Variants in GRID2 observed in about 807,000 individuals in gnomAD.
GRID2 encodes the protein glutamate ionotropic receptor delta type subunit 2.
In GRID2, 33 loss-of-function variants were observed where a neutral mutation model predicts 114.8. That is an observed-to-expected ratio of 0.29 (90% CI 0.22 to 0.38). The LOEUF is 0.38. GRID2 is among the 10% of genes least tolerant of loss of function. The pLI is 1.00. For synonymous variants in GRID2, 505 were observed against 449.9 expected (o/e 1.12, Z -1.55); for missense variants, 1,184 against 1,257.7 (o/e 0.94, Z 0.89).
rs1396319471 is a variant in GRID2, at chr4:92,345,785, C to T, written c.88+41041C>T. Reference sequence around the variant, plus strand: ...AATACTTTTTTGACCATCACACAAACTATCTTGAGGTCTCTTGTAAATTAA... The same window carrying T: ...AATACTTTTTTGACCATCACACAAATTATCTTGAGGTCTCTTGTAAATTAA... On this transcript the variant is annotated intron_variant, in intron 1 of 15. Transcript: ENST00000282020. 2.6e-5 allele frequency among the ~76,000 whole-genome samples: 4 copies of T among 152,132 alleles called. No homozygotes were observed. In the East Asian group the frequency reaches 7.7e-4, roughly 29 times the overall value.
intron 13 of GRID2, among the ~76,000 whole-genome samples, chr4:93,599,564 C>T (rs929913019): frequency 2.0e-5 from 3 of 152,140 alleles, no homozygotes; most frequent in Non-Finnish European, 4.4e-5. Context: ...AAAACTATGG[C>T]TTCCATTTGC....
intron 1 of GRID2, among the ~76,000 whole-genome samples, chr4:92,329,308 T>C (rs1415554023): frequency 6.6e-6 from 1 of 152,016 alleles, no homozygotes; most frequent in Non-Finnish European, 1.5e-5. Context: ...TATTTAAACT[T>C]TGGAGTTTAT....
chr4:92,737,738 A>G (rs566142951), intron 2 of GRID2, among the ~76,000 whole-genome samples: 6 of 152,296 alleles, frequency 3.9e-5, no homozygotes, highest in African/African-American at 1.2e-4. Context: ...AAGATCTTCA[A>G]CAAAATAGGG....
At chr4:92,454,140 ATTAC>A (rs1405923761) in intron 1 of GRID2, among the ~76,000 whole-genome samples, 3 of 152,150 alleles carry the variant, frequency 2.0e-5, no homozygotes, top group Admixed American at 2.0e-4. Context: ...TTTCTCTGCT[ATTAC>A]TTACAAAATT....
chr4:93,723,375 A>G (rs1237963876), intron 14 of GRID2, among the ~76,000 whole-genome samples: 1 of 152,248 alleles, frequency 6.6e-6, no homozygotes, highest in Non-Finnish European at 1.5e-5. Flanking sequence ...TGCAAATATT[A>G]AACAGCTGCA....
chr4:92,397,713 G>T (rs1386917519), intron 1 of GRID2, among the ~76,000 whole-genome samples: 1 of 152,090 alleles, frequency 6.6e-6, no homozygotes, highest in African/African-American at 2.4e-5. Flanking sequence ...ATCATGAGGG[G>T]AAGGGGACAA....
chr4:92,646,351 G>T (rs1731623441), intron 2 of GRID2, among the ~76,000 whole-genome samples: 1 of 152,286 alleles, frequency 6.6e-6, no homozygotes, highest in East Asian at 1.9e-4. Flanking sequence ...ACAATTTCTT[G>T]TTCAGTTTGT....
At chr4:92,573,166 A>C (rs1418108863) in intron 1 of GRID2, among the ~76,000 whole-genome samples, 1 of 151,982 alleles carries the variant, frequency 6.6e-6, no homozygotes, top group African/African-American at 2.4e-5. Context: ...GTCAGTGGTG[A>C]TATCTCCCTT....
At chr4:92,411,647 G>GTATATA (rs1240876484) in intron 1 of GRID2, among the ~76,000 whole-genome samples, 8 of 87,268 alleles carry the variant, frequency 9.2e-5, no homozygotes, top group Non-Finnish European at 1.6e-4. Context: ...GTGTGTGTGT[G>GTATATA]TGTGTGTGTA....
In GRID2 at chr4:93,540,097, A is replaced by AT. The variant is rs558598631; in HGVS notation, c.2193+24692dup. Among the ~76,000 whole-genome samples, 94 of 151,474 alleles carry AT rather than the reference A, an allele frequency of 6.2e-4. No homozygotes were observed. The East Asian group carries it at 8.4e-3, about 14-fold the overall frequency. ...TATGTAATTATTCAATATTTGTGTG[A>AT]TTTTTTCCTTGGAAATTTTCTATTC... On this transcript the variant is annotated intron_variant, in intron 13 of 15. Transcript: ENST00000282020.
At chr4:93,723,125 G>A (rs1369542148) in intron 14 of GRID2, among the ~76,000 whole-genome samples, 1 of 152,124 alleles carries the variant, frequency 6.6e-6, no homozygotes, top group African/African-American at 2.4e-5. Flanking sequence ...CCTCCACTTA[G>A]CCCCTACCAG....
intron 12 of GRID2, among the ~76,000 whole-genome samples, chr4:93,491,873 A>G (rs2149461405): frequency 6.6e-6 from 1 of 151,990 alleles, no homozygotes; most frequent in Admixed American, 6.6e-5. Context: ...TCATTATACA[A>G]ATTGAAACTC....
At chr4:93,793,584 CTCTA>C (rs1385520658) in intron 1 of GRID2, among the ~76,000 whole-genome samples, 1 of 152,156 alleles carries the variant, frequency 6.6e-6, no homozygotes, top group Non-Finnish European at 1.5e-5. Flanking sequence ...CATGCATTCT[CTCTA>C]TATTTCTATT....
chr4:93,247,574 G>A (rs1748351431), intron 8 of GRID2, among the ~76,000 whole-genome samples: 1 of 152,012 alleles, frequency 6.6e-6, no homozygotes, highest in African/African-American at 2.4e-5. Flanking sequence ...CCCAGACTGG[G>A]ACTGACATCA....
chr4:93,223,435 T>G (rs2149491088), intron 6 of GRID2, among the ~76,000 whole-genome samples: 1 of 152,322 alleles, frequency 6.6e-6, no homozygotes, highest in East Asian at 1.9e-4. Flanking sequence ...TAGGAAGTTC[T>G]TATTAAAAGC....
At chr4:93,456,043 A>T in intron 11 of GRID2, 69 bp downstream of exon 11, 1 of 903,830 alleles carries the variant, frequency 1.1e-6, no homozygotes, top group South Asian at 1.4e-5. Flanking sequence ...CCATGTATTC[A>T]GTTAATAAGG....
At chr4:93,377,085 A>G (rs1176931317) in intron 8 of GRID2, among the ~76,000 whole-genome samples, 1 of 152,194 alleles carries the variant, frequency 6.6e-6, no homozygotes, top group Non-Finnish European at 1.5e-5. Flanking sequence ...AATAGAAATA[A>G]TATTGTATAA....
chr4:92,442,876 G>A (rs1385412638), intron 1 of GRID2, among the ~76,000 whole-genome samples: 3 of 152,040 alleles, frequency 2.0e-5, no homozygotes, highest in Admixed American at 6.6e-5. Flanking sequence ...GTAAATTGTT[G>A]GGCAGGAGGG....
intron 2 of GRID2, among the ~76,000 whole-genome samples, chr4:92,739,024 AG>A (rs1432243298): frequency 6.6e-6 from 1 of 152,174 alleles, no homozygotes; most frequent in East Asian, 1.9e-4. Context: ...GATATTTTGA[AG>A]AAAAACAGGA....
Sources: gnomAD v4.1 joint callset for allele counts (sites outside exome capture counted in the v4.1 genomes callset) on GRCh38, gnomAD v4.1.1 for gene constraint, MANE v1.5 for transcripts, NCBI Gene and HGNC (gene_info 2026-07-23, HGNC 2026-07-21) for gene names.